The following NKX6-3 variants were observed in gnomAD, a reference collection of about 807,000 sequenced individuals.
NKX6-3 encodes homeobox protein Nkx-6.3.
A neutral mutation model predicts 22.0 loss-of-function variants in NKX6-3; 17 were observed. The ratio of observed to expected loss-of-function variants is 0.77; its 90% CI spans 0.53 to 1.16. NKX6-3 has a LOEUF of 1.16. Ranked by LOEUF, NKX6-3 falls within the 50% of genes most tolerant of loss-of-function variation. NKX6-3 has a pLI of 0.00. For missense variants in NKX6-3, 363 were observed against 359.0 expected (o/e 1.01, Z -0.09); for synonymous variants, 177 against 167.2 (o/e 1.06, Z -0.45).
rs1035750995 is a variant in NKX6-3, at chr8:41,650,029, C to A, written c.382+82G>T. On this transcript the variant is annotated intron_variant, in intron 1 of 2. Transcript: ENST00000518699. ...GGGGAGAGGGCGGAGGTGCAGGGTGCCCGGGAGGAGGCCCCTCCTCGTCCT... is the reference window on the plus strand; with the variant it reads ...GGGGAGAGGGCGGAGGTGCAGGGTGACCGGGAGGAGGCCCCTCCTCGTCCT... The A allele has an allele frequency of 4.2e-6, 6 of 1,416,172 alleles. No individual in the cohort carries two copies. The African/African-American group carries it at 7.1e-5, about 17-fold the overall frequency. 87.7% of individuals were successfully genotyped at this position (1,416,172 alleles called of 1,614,324 possible).
chr8:41,649,359 G>A (rs544936007), intron 1 of NKX6-3, among the ~76,000 whole-genome samples: 8 of 152,246 alleles, frequency 5.3e-5, no homozygotes, highest in South Asian at 4.2e-4. Context: ...TCGGTGGCAC[G>A]GAGAAGATTC....
rs1277265518 is a variant in NKX6-3, at chr8:41,646,696, T to C, written c.553-2A>G. The C allele has an allele frequency of 2.1e-5, 32 of 1,538,258 alleles. No individual in the cohort carries two copies. Among genetic ancestry groups the C allele is most frequent in the Non-Finnish European group, 2.8e-5 (32 of 1,145,686 alleles). ...GGTCCTGCGGTTCTGGAACCACACCTGCGATGAGAAAGAATGTGAAGGGCA... is the reference window on the plus strand; with the variant it reads ...GGTCCTGCGGTTCTGGAACCACACCCGCGATGAGAAAGAATGTGAAGGGCA... On this transcript the variant is annotated splice_acceptor_variant, in intron 2 of 2. Transcript: ENST00000518699. LOFTEE classifies it high-confidence loss of function.
In NKX6-3 at chr8:41,650,687, G is replaced by C. The variant is rs941948370; in HGVS notation, c.-195C>G. ...TCAGCTGCTCGGAAGTCAGGTGCTCGGGGCAGGTGGGAGGCCTCCCCAGGG... is the reference window on the plus strand; with the variant it reads ...TCAGCTGCTCGGAAGTCAGGTGCTCCGGGCAGGTGGGAGGCCTCCCCAGGG... On this transcript the variant is annotated 5_prime_UTR_variant, in exon 1 of 3. Transcript: ENST00000518699. The C allele has an allele frequency of 8.4e-6, 5 of 591,948 alleles. No individual in the cohort carries two copies. The highest frequency in any genetic ancestry group is 1.2e-5 in the Non-Finnish European group (4 of 340,958). 36.7% of individuals were successfully genotyped at this position (591,948 alleles called of 1,614,324 possible). A position where few individuals can be genotyped will look rare whatever the true frequency, so the allele number is the denominator to read the frequency against.
In NKX6-3 at chr8:41,645,925, G is replaced by C. The variant is rs1804190627; in HGVS notation, c.*524C>G. 5.6e-6 allele frequency: 1 copy of C among 179,392 alleles called. No homozygotes were observed. The highest frequency in any genetic ancestry group is 2.4e-5 in the African/African-American group (1 of 41,596). The allele number at this position is 179,392 out of a possible 1,614,324, so 11.1% of individuals were successfully genotyped here. ...GTGCACAGGTCTGAGGAGTGCACCT[G>C]GCCACTCACCTGTCTTTTCTTCTGC... On this transcript the variant is annotated 3_prime_UTR_variant, in exon 3 of 3. Coordinates refer to ENST00000518699, the MANE Select transcript of NKX6-3 (RefSeq NM_001364841.2).
At chr8:41,647,920 G>C in intron 2 of NKX6-3, 146 bp downstream of exon 2, 1 of 679,832 alleles carries the variant, frequency 1.5e-6, no homozygotes, top group Non-Finnish European at 2.4e-6. Context: ...ACAGGCTCCA[G>C]GGTTAGGCAG....
chr8:41,646,973 TCTCCTC>T (rs564371119), intron 2 of NKX6-3, among the ~76,000 whole-genome samples: 30 of 71,044 alleles, frequency 4.2e-4, no homozygotes, highest in African/African-American at 1.7e-3. Context: ...TCCTCCTCCT[TCTCCTC>T]CTCCTCCTCC....
At chr8:41,647,234 C>T in intron 2 of NKX6-3, 1 of 1,612,130 alleles carries the variant, frequency 6.2e-7, no homozygotes, top group South Asian at 1.1e-5. Flanking sequence ...TGCTTCTTCC[C>T]CCCAGCTCTC....
chr8:41,648,197 GCTT>G lies in NKX6-3; in HGVS notation c.418_420del (p.Lys140del), dbSNP rs1804250318. ...TGCCCCGTGAAGGTGGGCCGGGTGT[GCTT>G]CTTCTTGTGTATGCTGTCACTCAGG... On this transcript the variant is annotated inframe_deletion, in exon 2 of 3. Coordinates refer to ENST00000518699, the MANE Select transcript of NKX6-3 (RefSeq NM_001364841.2). The G allele has an allele frequency of 4.6e-6, 7 of 1,537,856 alleles. No individual in the cohort carries two copies. In the South Asian group the frequency reaches 8.3e-5, roughly 18 times the overall value.
At position 41,650,250 on chromosome 8, in the gene NKX6-3, C is replaced by G. The variant is rs760320823; in HGVS notation, c.243G>C (p.Gly81=). ...AGTAGACCCCCTGCGAGCTGAGCCC[C>G]CCAAAGCCTGCCACGTGGGGGTAGC... is the stretch of plus-strand genomic sequence containing the variant. The part of the protein sequence containing the change: ...LSGYPHVAGF[G]GLSSQGVYYS... Residue 81 remains glycine (G), a synonymous_variant, in exon 1 of 3, where the codon GGG becomes GGC. Coordinates refer to ENST00000518699, the MANE Select transcript of NKX6-3 (RefSeq NM_001364841.2). The G allele has an allele frequency of 4.6e-5, 71 of 1,533,532 alleles. No homozygotes were observed. The South Asian group carries it at 7.1e-4, about 15-fold the overall frequency. The allele number at this position is 1,533,532 out of a possible 1,614,324, so 95.0% of individuals were successfully genotyped here. A position where few individuals can be genotyped will look rare whatever the true frequency, so the allele number is the denominator to read the frequency against.
At position 41,650,457 on chromosome 8, in the gene NKX6-3, G is replaced by A. The variant is rs2150520601; in HGVS notation, c.36C>T (p.Asn12=). The A allele has an allele frequency of 1.3e-6, 2 of 1,535,718 alleles. No homozygotes were observed. Among genetic ancestry groups the A allele is most frequent in the African/African-American group, 2.7e-5 (2 of 73,160 alleles). ...ESNLQGTFLL[N]NTPLAQFPEM... Reference sequence around the variant, plus strand: ...CCGGAAACTGAGCCAGCGGCGTGTTGTTCAGCAGGAACGTCCCCTGCAGGT... The same window carrying A: ...CCGGAAACTGAGCCAGCGGCGTGTTATTCAGCAGGAACGTCCCCTGCAGGT... The change falls in exon 1 of 3, where the codon AAC becomes AAT. Residue 12 remains asparagine, a synonymous_variant. Transcript: ENST00000518699.
chr8:41,646,308 T>G lies in NKX6-3; in HGVS notation c.*141A>C. On this transcript the variant is annotated 3_prime_UTR_variant, in exon 3 of 3. Transcript: ENST00000518699. ...TCCCCTCCTCCTCCCCTGCACCTGC[T>G]GCTCCTCCTCCACGCGCCCCTCATC... The G allele has an allele frequency of 8.8e-7, 1 of 1,130,552 alleles. No individual in the cohort carries two copies. The highest frequency in any genetic ancestry group is 1.2e-6 in the Non-Finnish European group (1 of 812,082). 70.0% of individuals were successfully genotyped at this position (1,130,552 alleles called of 1,614,324 possible).
At chr8:41,646,980 C>T (rs1158684105) in intron 2 of NKX6-3, among the ~76,000 whole-genome samples, 2 of 121,930 alleles carry the variant, frequency 1.6e-5, no homozygotes, top group African/African-American at 3.2e-5. Context: ...CCTTCTCCTC[C>T]TCCTCCTCCT....
chr8:41,647,339 AGCTGCCCCT>A lies in NKX6-3; in HGVS notation c.553-654_553-646del, dbSNP rs751816032. 37 of 1,571,098 alleles carry A rather than the reference AGCTGCCCCT, an allele frequency of 2.4e-5. No individual in the cohort carries two copies. The South Asian group carries it at 3.4e-4, about 14-fold the overall frequency. ...TGAGCAAAGCCTAGACCCAGGTGCC[AGCTGCCCCT>A]GCTGCATCCTTAGGCCCGTCGCCGA... On this transcript the variant is annotated intron_variant, in intron 2 of 2. Transcript: ENST00000518699.
At chr8:41,647,474 C>A (rs1342637581) in intron 2 of NKX6-3, 3 of 1,024,386 alleles carry the variant, frequency 2.9e-6, no homozygotes, top group South Asian at 3.3e-5. Flanking sequence ...GGGGCCCCTG[C>A]GTGTGGAGTG....
At chr8:41,649,519 C>T (rs961346734) in intron 1 of NKX6-3, among the ~76,000 whole-genome samples, 1 of 152,198 alleles carries the variant, frequency 6.6e-6, no homozygotes, top group Non-Finnish European at 1.5e-5. Context: ...TCCCCACAGC[C>T]AAGGCCAAGT....
In NKX6-3 at chr8:41,646,357, C is replaced by A; in HGVS notation, c.*92G>T. 6.8e-7 allele frequency: 1 copy of A among 1,476,204 alleles called. No homozygotes were observed. The highest frequency in any genetic ancestry group is 9.1e-7 in the Non-Finnish European group (1 of 1,101,582). 91.4% of individuals were successfully genotyped at this position (1,476,204 alleles called of 1,614,324 possible). On this transcript the variant is annotated 3_prime_UTR_variant, in exon 3 of 3. Coordinates refer to ENST00000518699, the MANE Select transcript of NKX6-3 (RefSeq NM_001364841.2). The stretch of plus-strand genomic sequence containing the variant: ...TCCAAAGAAAGACTCAGTCCCTGCG[C>A]CCCCAGGAGCGTGGGGAAGGGGAGG...
Position 41,649,274 on chromosome 8 carries a change from C to T in NKX6-3, c.382+837G>A, listed in dbSNP as rs555077208. Among the ~76,000 whole-genome samples the T allele has an allele frequency of 7.2e-5, 11 of 152,174 alleles. No individual in the cohort carries two copies. In the East Asian group the frequency reaches 2.1e-3, roughly 29 times the overall value. On this transcript the variant is annotated intron_variant, in intron 1 of 2. Transcript: ENST00000518699. ...TGCTTTTGGGGTTCCCTAGGTTGGC[C>T]CCAAGCCCCCATTGGCGTAGGAGAG... is the stretch of plus-strand genomic sequence containing the variant.
rs1050253942 is a variant in NKX6-3, at chr8:41,647,554, G to C, written c.552+512C>G. Among the ~76,000 whole-genome samples, 4 of 152,246 alleles carry C rather than the reference G, an allele frequency of 2.6e-5. No homozygotes were observed. In the South Asian group the frequency reaches 8.3e-4, roughly 31 times the overall value. On this transcript the variant is annotated intron_variant, in intron 2 of 2. Coordinates refer to ENST00000518699, the MANE Select transcript of NKX6-3 (RefSeq NM_001364841.2). ...GGCTCCAGGCCCCTGAAGCCCATCTGATCCTGCTTAGTAGAAGGAGACGTT... is the reference window on the plus strand; with the variant it reads ...GGCTCCAGGCCCCTGAAGCCCATCTCATCCTGCTTAGTAGAAGGAGACGTT...
rs1219902402 is a variant in NKX6-3, at chr8:41,650,806, T to C, written c.-314A>G. ...TGCCTCTGAGTCGGGGGACCCTCCA[T>C]GAGAAGTTTTAAGTTCAGAGAAGGA... On this transcript the variant is annotated 5_prime_UTR_variant, in exon 1 of 3. The change abolishes an upstream ATG in the 5' untranslated region. Coordinates refer to ENST00000518699, the MANE Select transcript of NKX6-3 (RefSeq NM_001364841.2). The C allele has an allele frequency of 3.2e-6, 1 of 307,742 alleles. No homozygotes were observed. The highest frequency in any genetic ancestry group is 6.1e-6 in the Non-Finnish European group (1 of 164,780). 19.1% of individuals were successfully genotyped at this position (307,742 alleles called of 1,614,324 possible).
Sources: gnomAD v4.1 joint callset for allele counts (sites outside exome capture counted in the v4.1 genomes callset) on GRCh38, gnomAD v4.1.1 for gene constraint, MANE v1.5 for transcripts, NCBI Gene and HGNC (gene_info 2026-07-23, HGNC 2026-07-21) for gene names.